Variants in CTDP1 observed in about 807,000 individuals in gnomAD.
The protein encoded by CTDP1 is RNA polymerase II subunit A C-terminal domain phosphatase.
A neutral mutation model predicts 91.8 loss-of-function variants in CTDP1; 47 were observed. The ratio of observed to expected loss-of-function variants is 0.51; its 90% CI spans 0.41 to 0.65. CTDP1 has a LOEUF of 0.65. Among genes scored for constraint, CTDP1 ranks in the 30% least tolerant of loss-of-function variants. CTDP1 has a pLI of 0.00. For missense variants in CTDP1, 1,272 were observed against 1,373.7 expected (o/e 0.93, Z 1.17); for synonymous variants, 656 against 598.5 (o/e 1.10, Z -1.40).
At chr18:79,680,327 C>T (rs940048700) in intron 1 of CTDP1, 66 bp downstream of exon 1, 1 of 1,195,130 alleles carries the variant, frequency 8.4e-7, no homozygotes, top group Non-Finnish European at 1.0e-6. Context: ...GGAGGACCCC[C>T]GGGCTGCTGC....
intron 10 of CTDP1, among the ~76,000 whole-genome samples, chr18:79,724,139 C>T (rs1185134538): frequency 3.9e-5 from 6 of 152,238 alleles, no homozygotes. Context: ...TGAGCACTGA[C>T]GTGGCCCTGG....
intron 12 of CTDP1, among the ~76,000 whole-genome samples, chr18:79,748,203 G>A (rs2086919302): frequency 6.6e-6 from 1 of 152,218 alleles, no homozygotes; most frequent in African/African-American, 2.4e-5. Context: ...TCTAATGTTC[G>A]AGGTAATTTT....
rs1281956250 is a variant in CTDP1 at position 79,715,383 on chromosome 18, C to T, written c.1923C>T (p.Phe641=). ...SKVLADVAII[F]SGLHPTNFPI... ...TGCTGGCAGACGTGGCCATAATTTTCAGTGGGCTACACCCGACAAACTTCC... is the reference window on the plus strand; with the variant it reads ...TGCTGGCAGACGTGGCCATAATTTTTAGTGGGCTACACCCGACAAACTTCC... Residue 641 remains phenylalanine (F), a synonymous_variant, in exon 8 of 13, where the codon TTC becomes TTT. Transcript: ENST00000613122. 6.2e-7 allele frequency: 1 copy of T among 1,606,810 alleles called. No homozygotes were observed.
At chr18:79,684,272 G>A (rs1262781707) in intron 1 of CTDP1, among the ~76,000 whole-genome samples, 1 of 152,246 alleles carries the variant, frequency 6.6e-6, no homozygotes, top group Non-Finnish European at 1.5e-5. Flanking sequence ...CTGCTCCAGA[G>A]CGTAGATTAG....
chr18:79,719,962 G>T (rs1377920476), intron 10 of CTDP1, among the ~76,000 whole-genome samples: 2 of 147,894 alleles, frequency 1.4e-5, no homozygotes, highest in Non-Finnish European at 3.0e-5. Context: ...TCCTGGTGAT[G>T]ATGTCACCTC....
intron 12 of CTDP1, among the ~76,000 whole-genome samples, chr18:79,739,466 C>T (rs1223555231): frequency 1.3e-5 from 2 of 151,816 alleles, no homozygotes; most frequent in Admixed American, 6.6e-5. Context: ...GGTGAAACCA[C>T]GCAAGCACGA....
intron 12 of CTDP1, among the ~76,000 whole-genome samples, chr18:79,745,315 CCCTGCGTCCCTCCCGTGCGCGTTCTGTG>C (rs1568219303): frequency 9.7e-6 from 1 of 102,890 alleles, no homozygotes; most frequent in Non-Finnish European, 1.9e-5. Flanking sequence ...CGCGTTCTGT[CCCTGCGTCCCTCCCGTGCGCGTTCTGTG>C]CCCGCGTCCC....
chr18:79,686,299 A>G (rs2085491949), intron 1 of CTDP1, among the ~76,000 whole-genome samples: 1 of 152,236 alleles, frequency 6.6e-6, no homozygotes, highest in Non-Finnish European at 1.5e-5. Flanking sequence ...ATCTGGGTAC[A>G]GAGGAATGGA....
chr18:79,713,240 A>G lies in CTDP1; in HGVS notation c.1030+102A>G. ...GTTTTGACTGCTATAAATTCAAGAT[A>G]CACTTTTTTTATTTGTGTTTCAGTA... On this transcript the variant is annotated intron_variant, in intron 7 of 12. Coordinates refer to ENST00000613122, the MANE Select transcript of CTDP1 (RefSeq NM_004715.5). The surrounding 1 kb of genome is among the most constrained non-coding windows in gnomAD (Gnocchi z 4.7). 1 of 1,202,378 alleles carries G rather than the reference A, an allele frequency of 8.3e-7. No homozygotes were observed. Among genetic ancestry groups the G allele is most frequent in the Non-Finnish European group, 1.2e-6 (1 of 837,140 alleles). The allele number at this position is 1,202,378 out of a possible 1,614,324, so 74.5% of individuals were successfully genotyped here. A position where few individuals can be genotyped will look rare whatever the true frequency, so the allele number is the denominator to read the frequency against.
chr18:79,740,252 A>G (rs893575824), intron 12 of CTDP1, among the ~76,000 whole-genome samples: 2 of 152,112 alleles, frequency 1.3e-5, no homozygotes, highest in African/African-American at 2.4e-5. Context: ...CCGTTTGCGG[A>G]TCGCTGTGGA....
chr18:79,677,378 G>A (rs1157702701), upstream of CTDP1: 1 of 152,178 alleles, frequency 6.6e-6, no homozygotes. Flanking sequence ...CAGTGCCACT[G>A]TGTGGCCAAA....
intron 12 of CTDP1, among the ~76,000 whole-genome samples, chr18:79,740,831 T>G (rs1411703609): frequency 6.6e-6 from 1 of 152,172 alleles, no homozygotes; most frequent in Non-Finnish European, 1.5e-5. Flanking sequence ...GCACTTTCAC[T>G]CCTTAAAATA....
intron 3 of CTDP1, 138 bp downstream of exon 3, chr18:79,696,208 G>A: frequency 1.3e-6 from 1 of 765,054 alleles, no homozygotes; most frequent in Admixed American, 2.0e-5. Flanking sequence ...TCACACGGAT[G>A]ACTTATGGGA....
chr18:79,702,371 TTTTTTATTTTTTAA>T (rs2085878115), intron 4 of CTDP1, among the ~76,000 whole-genome samples: 1 of 152,176 alleles, frequency 6.6e-6, no homozygotes, highest in African/African-American at 2.4e-5. Context: ...TTATTTTTTA[TTTTTTATTTTTTAA>T]TTTTTTGAGA....
chr18:79,739,861 C>T (rs374379468), intron 12 of CTDP1, among the ~76,000 whole-genome samples: 1,153 of 26,638 alleles, frequency 0.043, 77 homozygotes, highest in East Asian at 0.17. Context: ...CTCATACCCA[C>T]GGCCGGGACG....
intron 1 of CTDP1, among the ~76,000 whole-genome samples, chr18:79,688,504 A>T (rs2085554347): frequency 6.6e-6 from 1 of 152,230 alleles, no homozygotes; most frequent in Non-Finnish European, 1.5e-5. Flanking sequence ...ACCTCAGGTG[A>T]TCCACCTGCC....
intron 12 of CTDP1, among the ~76,000 whole-genome samples, chr18:79,750,250 G>T (rs1040809591): frequency 1.3e-5 from 2 of 151,976 alleles, no homozygotes; most frequent in African/African-American, 4.8e-5. Flanking sequence ...TGCGGTCATG[G>T]CCCAGGCTCA....
At chr18:79,720,869 T>C (rs1419299441) in intron 10 of CTDP1, among the ~76,000 whole-genome samples, 1 of 152,192 alleles carries the variant, frequency 6.6e-6, no homozygotes, top group Admixed American at 6.5e-5. Flanking sequence ...ACTGTCCAGC[T>C]TGGCCACAGT....
Position 79,696,268 on chromosome 18 carries a change from A to G in CTDP1, c.492+198A>G, listed in dbSNP as rs1396655795. On this transcript the variant is annotated intron_variant, in intron 3 of 12. Transcript: ENST00000613122. ...GGTTGCCCTTGGTTCTCCACAGACA[A>G]GTCTGCCTGCAAAAGCGACTCAGGG... is the stretch of plus-strand genomic sequence containing the variant. Among the ~76,000 whole-genome samples, 5 of 152,130 alleles carry G rather than the reference A, an allele frequency of 3.3e-5. No homozygotes were observed. In the East Asian group the frequency reaches 5.8e-4, roughly 18 times the overall value.
Sources: allele counts gnomAD v4.1 joint callset (sites outside exome capture counted in the v4.1 genomes callset), GRCh38; gene constraint gnomAD v4.1.1; non-coding constraint Gnocchi (gnomAD v3.1); transcripts MANE v1.5; gene names NCBI Gene and HGNC (gene_info 2026-07-23, HGNC 2026-07-21).